The following TAF2 variants were observed in gnomAD, a reference collection of about 807,000 sequenced individuals.
The protein encoded by TAF2 is TATA-box binding protein associated factor 2.
A neutral mutation model predicts 138.5 loss-of-function variants in TAF2; 61 were observed. The ratio of observed to expected loss-of-function variants is 0.44; its 90% CI spans 0.36 to 0.54. TAF2 has a LOEUF of 0.54. TAF2 is among the 20% of genes least tolerant of loss of function. TAF2 has a pLI of 0.00. For synonymous variants in TAF2, 475 were observed against 469.9 expected (o/e 1.01, Z -0.14); for missense variants, 1,090 against 1,427.9 (o/e 0.76, Z 3.81).
rs144496838 is a variant in TAF2 at position 119,772,888 on chromosome 8, G to A, written c.2364+5131C>T. The stretch of plus-strand genomic sequence containing the variant: ...GGAGGTGGAGGTTGCAGTGAGCCGA[G>A]ATCATGCCACTGCACTCCAGTCTGG... On this transcript the variant is annotated intron_variant, in intron 18 of 25. Transcript: ENST00000378164. 1.0e-2 allele frequency among the ~76,000 whole-genome samples: 1,510 copies of A among 151,080 alleles called. 21 individuals are homozygous for A. Among genetic ancestry groups the A allele is most frequent in the African/African-American group, 0.035 (1,449 of 41,364 alleles).
intron 6 of TAF2, among the ~76,000 whole-genome samples, 193 bp downstream of exon 6, chr8:119,801,601 T>C (rs1488366286): frequency 6.6e-6 from 1 of 152,086 alleles, no homozygotes; most frequent in African/African-American, 2.4e-5. Flanking sequence ...GCTAATTTTT[T>C]GTATTTTTAG....
chr8:119,799,235 C>G (rs1824058575), intron 6 of TAF2, among the ~76,000 whole-genome samples: 1 of 151,958 alleles, frequency 6.6e-6, no homozygotes, highest in Non-Finnish European at 1.5e-5. Flanking sequence ...TATACATGTG[C>G]CATGTTGGTG....
intron 22 of TAF2, among the ~76,000 whole-genome samples, chr8:119,750,591 G>GTATA (rs1234464713): frequency 6.6e-6 from 1 of 151,932 alleles, no homozygotes; most frequent in Non-Finnish European, 1.5e-5. Context: ...GTGTGTGTGT[G>GTATA]TATATATATA....
intron 14 of TAF2, among the ~76,000 whole-genome samples, chr8:119,786,859 T>G (rs1823046506): frequency 6.6e-6 from 1 of 152,108 alleles, no homozygotes; most frequent in Non-Finnish European, 1.5e-5. Context: ...AGGCGGAGGT[T>G]GCAATGAGCT....
intron 16 of TAF2, 74 bp downstream of exon 16, chr8:119,783,307 G>T: frequency 1.3e-6 from 2 of 1,548,004 alleles, no homozygotes; most frequent in South Asian, 1.2e-5. Context: ...AAGACTAGGT[G>T]AATTTTAATT....
intron 2 of TAF2, among the ~76,000 whole-genome samples, chr8:119,828,819 G>A (rs1826258586): frequency 6.6e-6 from 1 of 152,166 alleles, no homozygotes; most frequent in Non-Finnish European, 1.5e-5. Context: ...ATAGCTCAGG[G>A]ATTAGCAAAC....
rs535531062 is a variant in TAF2 at position 119,739,954 on chromosome 8, TAA to T, written c.3337+2578_3337+2579del. Among the ~76,000 whole-genome samples, 199 of 152,186 alleles carry T rather than the reference TAA, an allele frequency of 1.3e-3. 1 individual carries two copies. Among genetic ancestry groups the T allele is most frequent in the Non-Finnish European group, 2.3e-3 (157 of 68,024 alleles). ...ACTTCAAAAACTTTTGTGAGACTTA[TAA>T]GAAGATGCCTCAGCTTGATGAACTG... On this transcript the variant is annotated intron_variant, in intron 25 of 25. Transcript: ENST00000378164.
At chr8:119,764,790 C>T (rs1238569653) in intron 18 of TAF2, among the ~76,000 whole-genome samples, 3 of 152,250 alleles carry the variant, frequency 2.0e-5, no homozygotes, top group Admixed American at 6.5e-5. Flanking sequence ...ACATCTTCCT[C>T]TTCCATTTGA....
chr8:119,794,612 T>C (rs933566610), intron 9 of TAF2, among the ~76,000 whole-genome samples: 16 of 152,208 alleles, frequency 1.1e-4, no homozygotes, highest in African/African-American at 3.9e-4. Context: ...TTTCTTCATC[T>C]ATAAAATGGG....
chr8:119,793,812 T>A (rs530618053), intron 9 of TAF2, among the ~76,000 whole-genome samples: 4 of 151,196 alleles, frequency 2.6e-5, no homozygotes, highest in Admixed American at 6.6e-5. Flanking sequence ...GAATAAATTA[T>A]GTCAGGAATC....
intron 25 of TAF2, among the ~76,000 whole-genome samples, chr8:119,740,592 G>A (rs1819534509): frequency 6.8e-6 from 1 of 147,560 alleles, no homozygotes; most frequent in Non-Finnish European, 1.5e-5. Context: ...TTGAACCCAG[G>A]AGGTGGAGGT....
chr8:119,755,750 T>TTA (rs1396129814), intron 22 of TAF2, among the ~76,000 whole-genome samples: 1 of 152,150 alleles, frequency 6.6e-6, no homozygotes, highest in Non-Finnish European at 1.5e-5. Flanking sequence ...AGGCTCATGT[T>TTA]TATAGCACCT....
chr8:119,814,653 G>C (rs1022477328), intron 3 of TAF2, among the ~76,000 whole-genome samples: 2 of 151,216 alleles, frequency 1.3e-5, no homozygotes, highest in African/African-American at 4.9e-5. Context: ...CAGCACTCTG[G>C]GAGGCTGAGA....
intron 18 of TAF2, among the ~76,000 whole-genome samples, chr8:119,770,974 G>A (rs900948687): frequency 6.6e-6 from 1 of 152,104 alleles, no homozygotes; most frequent in Non-Finnish European, 1.5e-5. Context: ...AGGAGGCTGA[G>A]GCAGAAGAAC....
intron 2 of TAF2, among the ~76,000 whole-genome samples, chr8:119,825,843 C>G (rs1365282768): frequency 7.6e-6 from 1 of 132,440 alleles, no homozygotes; most frequent in East Asian, 2.0e-4. Flanking sequence ...CACCGCCACG[C>G]CTGGCTAATT....
At chr8:119,800,633 G>A (rs1299729186) in intron 6 of TAF2, among the ~76,000 whole-genome samples, 1 of 152,110 alleles carries the variant, frequency 6.6e-6, no homozygotes, top group Non-Finnish European at 1.5e-5. Context: ...TCTTATCAGT[G>A]GATAAACCTT....
intron 25 of TAF2, among the ~76,000 whole-genome samples, chr8:119,733,163 C>T (rs1366169020): frequency 1.3e-5 from 2 of 152,088 alleles, no homozygotes; most frequent in Admixed American, 6.5e-5. Context: ...TTTCTTTGTG[C>T]CATCTGGAGA....
At chr8:119,815,020 A>T (rs1003246195) in intron 3 of TAF2, among the ~76,000 whole-genome samples, 15 of 151,788 alleles carry the variant, frequency 9.9e-5, no homozygotes, top group African/African-American at 3.6e-4. Context: ...GGCAGGCATG[A>T]TCTCGAACTC....
chr8:119,739,005 A>C (rs1399415461), intron 25 of TAF2, among the ~76,000 whole-genome samples: 1 of 141,004 alleles, frequency 7.1e-6, no homozygotes, highest in Non-Finnish European at 1.5e-5. Flanking sequence ...TCAAGCTTTA[A>C]AGAAGTTTTT....
Sources: allele counts gnomAD v4.1 joint callset (sites outside exome capture counted in the v4.1 genomes callset), GRCh38; gene constraint gnomAD v4.1.1; transcripts MANE v1.5; gene names NCBI Gene and HGNC (gene_info 2026-07-23, HGNC 2026-07-21).